Variants in TMT1B observed in about 807,000 individuals in gnomAD.
TMT1B encodes the protein thiol methyltransferase 1B.
chr12:55,682,093 G>C, the TMT1B span: 1 of 1,614,186 alleles, frequency 6.2e-7, no homozygotes. Flanking sequence ...GCATGGCTGA[G>C]AACAGGCACC....
At chr12:55,683,845 A>G in the TMT1B span, 121 of 1,614,138 alleles carry the variant, frequency 7.5e-5, no homozygotes, top group East Asian at 2.7e-3. Flanking sequence ...AGCATGTGGC[A>G]GAACCATATG....
the TMT1B span, chr12:55,682,317 C>T: frequency 1.6e-5 from 25 of 1,528,404 alleles, no homozygotes; most frequent in African/African-American, 1.7e-4. Context: ...CCCCAGGGTT[C>T]GGCCCCCAGA....
the TMT1B span, among the ~76,000 whole-genome samples, chr12:55,683,513 T>C: frequency 6.6e-6 from 1 of 151,982 alleles, no homozygotes; most frequent in Non-Finnish European, 1.5e-5. Flanking sequence ...ATAATAATAA[T>C]AATAATACAA....
the TMT1B span, chr12:55,684,106 A>C: frequency 6.6e-7 from 1 of 1,512,312 alleles, no homozygotes; most frequent in Non-Finnish European, 9.1e-7. Context: ...AATTAGAACA[A>C]GCCACCCACC....
the TMT1B span, chr12:55,682,318 G>A: frequency 1.1e-5 from 17 of 1,528,724 alleles, no homozygotes; most frequent in Middle Eastern, 2.3e-4. Flanking sequence ...CCCAGGGTTC[G>A]GCCCCCAGAA....
chr12:55,684,050 T>A, the TMT1B span: 1 of 1,612,422 alleles, frequency 6.2e-7, no homozygotes, highest in South Asian at 1.1e-5. Flanking sequence ...TGTCAAATAA[T>A]CTTTCCCAAG....
At chr12:55,681,942 A>AG in the TMT1B span, 1 of 1,614,140 alleles carries the variant, frequency 6.2e-7, no homozygotes, top group Non-Finnish European at 8.5e-7. Context: ...AGCCAGATAA[A>AG]GGGGCTTACA....
At chr12:55,684,237 C>G in the TMT1B span, 1 of 590,442 alleles carries the variant, frequency 1.7e-6, no homozygotes, top group African/African-American at 1.9e-5. Flanking sequence ...ATCCCGCCTT[C>G]GACAGTGAAA....
the TMT1B span, among the ~76,000 whole-genome samples, chr12:55,682,654 C>T: frequency 6.7e-6 from 1 of 150,204 alleles, no homozygotes; most frequent in Admixed American, 6.6e-5. Flanking sequence ...GGCGTGGTGG[C>T]ACATGCCTAT....
the TMT1B span, chr12:55,682,368 A>G: frequency 4.2e-6 from 4 of 961,472 alleles, no homozygotes; most frequent in Non-Finnish European, 6.1e-6. Flanking sequence ...TAGACACCCC[A>G]TCCACCTCTA....
chr12:55,682,290 A>C, the TMT1B span: 1 of 1,583,548 alleles, frequency 6.3e-7, no homozygotes, highest in Non-Finnish European at 8.6e-7. Flanking sequence ...TGGGGCAGGC[A>C]AACGCAGCAT....
At chr12:55,684,393 C>G in the TMT1B span, 1 of 293,838 alleles carries the variant, frequency 3.4e-6, no homozygotes, top group Admixed American at 4.8e-5. Flanking sequence ...TCTCGCTTTC[C>G]TCCTGAGGCT....
the TMT1B span, among the ~76,000 whole-genome samples, chr12:55,683,160 G>T: frequency 4.1e-3 from 632 of 152,310 alleles, 2 homozygotes; most frequent in Middle Eastern, 0.02. Context: ...GCTTGTGCAT[G>T]CATCTGGGTT....
the TMT1B span, chr12:55,684,466 C>T: frequency 3.3e-5 from 6 of 181,024 alleles, no homozygotes; most frequent in African/African-American, 1.4e-4. Context: ...TGCCAAGCCC[C>T]CCTGACCCTC....
chr12:55,683,104 G>C, the TMT1B span, among the ~76,000 whole-genome samples: 4 of 152,178 alleles, frequency 2.6e-5, no homozygotes, highest in Admixed American at 2.0e-4. Context: ...GTCAAGAGTT[G>C]GGCCTGAGGT....
the TMT1B span, chr12:55,681,833 T>C: frequency 1.1e-5 from 18 of 1,565,786 alleles, no homozygotes; most frequent in Non-Finnish European, 1.5e-5. Context: ...TCTGCTGGGC[T>C]GCTGGCAGCC....
At chr12:55,682,783 CA>C in the TMT1B span, among the ~76,000 whole-genome samples, 2 of 118,846 alleles carry the variant, frequency 1.7e-5, no homozygotes, top group Non-Finnish European at 1.7e-5. Context: ...GACCCTGTAT[CA>C]AAAAAAATAA....
chr12:55,684,095 C>A, the TMT1B span: 8 of 1,565,906 alleles, frequency 5.1e-6, no homozygotes, highest in Non-Finnish European at 7.0e-6. Context: ...CCCCAGCCTC[C>A]AATTAGAACA....
At chr12:55,681,813 A>G in the TMT1B span, 4 of 1,555,974 alleles carry the variant, frequency 2.6e-6, no homozygotes, top group Admixed American at 5.9e-5. Flanking sequence ...CTGCCCCTGC[A>G]CCTCATGGCT....
Sources: allele counts gnomAD v4.1 joint callset (sites outside exome capture counted in the v4.1 genomes callset), GRCh38; gene constraint gnomAD v4.1.1; transcripts MANE v1.5; gene names NCBI Gene and HGNC (gene_info 2026-07-23, HGNC 2026-07-21).